Variants in AMACR observed in about 807,000 individuals in gnomAD.
AMACR encodes alpha-methylacyl-CoA racemase.
Under a neutral mutation model 22.2 loss-of-function variants are expected in AMACR, and 18 were observed. That is an observed-to-expected ratio of 0.81 (90% CI 0.56 to 1.20). AMACR has a LOEUF of 1.20. Ranked by LOEUF, AMACR falls within the 50% of genes most tolerant of loss-of-function variation. AMACR has a pLI of 0.00. For missense variants in AMACR, 499 were observed against 490.6 expected (o/e 1.02, Z -0.16); for synonymous variants, 213 against 191.3 (o/e 1.11, Z -0.94).
rs1290407600 is a variant in AMACR, at chr5:33,987,284, CAT to C, written c.*1807_*1808del. ...GATCCTCCATGCCTGGGCTGGAAAA[CAT>C]AACCTTATGGGAAAGTTCCTAAAAA... On this transcript the variant is annotated 3_prime_UTR_variant, in exon 5 of 5. Transcript: ENST00000335606. The C allele has an allele frequency of 6.6e-6, 1 of 152,446 alleles. No individual in the cohort carries two copies. Among genetic ancestry groups the C allele is most frequent in the Non-Finnish European group, 1.5e-5 (1 of 68,044 alleles). The allele number at this position is 152,446 out of a possible 1,614,324, so 9.4% of individuals were successfully genotyped here.
chr5:33,989,557 T>C, intron 4 of AMACR, 55 bp from the exon 5 acceptor site: 1 of 1,439,574 alleles, frequency 6.9e-7, no homozygotes, highest in Non-Finnish European at 9.7e-7. Flanking sequence ...GCAATTATAA[T>C]CAATAAAAAT....
intron 4 of AMACR, among the ~76,000 whole-genome samples, chr5:33,993,585 A>G (rs1579574217): frequency 6.6e-6 from 1 of 152,148 alleles, no homozygotes; most frequent in African/African-American, 2.4e-5. Flanking sequence ...AACACTTGTT[A>G]TTTTGTATTT....
intron 3 of AMACR, 73 bp from the exon 4 acceptor site, chr5:33,998,900 A>G: frequency 2.0e-6 from 3 of 1,475,688 alleles, no homozygotes; most frequent in Non-Finnish European, 2.8e-6. Context: ...CTCCCATTCA[A>G]GTTAAAAAAA....
chr5:34,003,981 C>T (rs1753894402), intron 3 of AMACR, among the ~76,000 whole-genome samples: 1 of 152,188 alleles, frequency 6.6e-6, no homozygotes, highest in Non-Finnish European at 1.5e-5. Context: ...ACAAGGTATT[C>T]CAAATGCAGT....
intron 2 of AMACR, 94 bp from the exon 3 acceptor site, chr5:34,004,828 CA>C: frequency 3.5e-6 from 5 of 1,419,908 alleles, no homozygotes; most frequent in Non-Finnish European, 3.9e-6. Flanking sequence ...TCAATCTCTC[CA>C]GCAGATAATC....
intron 1 of AMACR, 142 bp from the exon 2 acceptor site, chr5:34,006,041 T>C: frequency 1.0e-6 from 1 of 986,294 alleles, no homozygotes; most frequent in Non-Finnish European, 1.5e-6. Context: ...TTTACAGCAG[T>C]TAAGGACTCA....
Position 33,988,132 on chromosome 5 carries a change from A to C in AMACR, c.*961T>G. On this transcript the variant is annotated 3_prime_UTR_variant, in exon 5 of 5. Transcript: ENST00000335606. ...TGATGGCACCCGGATTAGATTGTGG[A>C]ATCTACCCCTTCCTCACATGCCTTT... 1.8e-6 allele frequency: 1 copy of C among 569,334 alleles called. No homozygotes were observed. Among genetic ancestry groups the C allele is most frequent in the Non-Finnish European group, 3.1e-6 (1 of 324,974 alleles). 35.3% of individuals were successfully genotyped at this position (569,334 alleles called of 1,614,324 possible). A position where few individuals can be genotyped will look rare whatever the true frequency, so the allele number is the denominator to read the frequency against.
chr5:33,987,657 C>T lies in AMACR; in HGVS notation c.*1436G>A, dbSNP rs1753334994. On this transcript the variant is annotated 3_prime_UTR_variant, in exon 5 of 5. Transcript: ENST00000335606. Reference sequence around the variant, plus strand: ...AAAAAATCAAGTACTATATGGACACCAACATGGAGCAGAAAATGAGGGCAG... The same window carrying T: ...AAAAAATCAAGTACTATATGGACACTAACATGGAGCAGAAAATGAGGGCAG... 2 of 152,130 alleles carry T rather than the reference C, an allele frequency of 1.3e-5. No individual in the cohort carries two copies. Among genetic ancestry groups the T allele is most frequent in the Admixed American group, 1.3e-4 (2 of 15,278 alleles). The allele number at this position is 152,130 out of a possible 1,614,324, so 9.4% of individuals were successfully genotyped here.
chr5:33,993,528 A>G (rs1353359019), intron 4 of AMACR, among the ~76,000 whole-genome samples: 2 of 152,180 alleles, frequency 1.3e-5, no homozygotes, highest in East Asian at 3.9e-4. Context: ...ACCACTTTAC[A>G]CTCTCATTGG....
At chr5:33,990,290 CT>C (rs1753436204) in intron 4 of AMACR, among the ~76,000 whole-genome samples, 1 of 152,220 alleles carries the variant, frequency 6.6e-6, no homozygotes, top group Non-Finnish European at 1.5e-5. Flanking sequence ...AAAACAGAAA[CT>C]TATTAGCCGC....
intron 1 of AMACR, 45 bp downstream of exon 1, chr5:34,007,728 C>A: frequency 6.6e-7 from 1 of 1,512,044 alleles, no homozygotes. Context: ...GGCCCCTCCC[C>A]TCCGCGGGAA....
At chr5:33,993,006 T>C (rs772264027) in intron 4 of AMACR, among the ~76,000 whole-genome samples, 2 of 152,174 alleles carry the variant, frequency 1.3e-5, no homozygotes, top group Non-Finnish European at 2.9e-5. Flanking sequence ...CCACCATCCA[T>C]CTGTACCACA....
chr5:34,002,655 G>A lies in AMACR; in HGVS notation c.552+1919C>T, dbSNP rs191670026. Among the ~76,000 whole-genome samples the A allele has an allele frequency of 1.4e-3, 215 of 152,338 alleles. 1 individual carries two copies. Among genetic ancestry groups the A allele is most frequent in the African/African-American group, 5.0e-3 (207 of 41,576 alleles). On this transcript the variant is annotated intron_variant, in intron 3 of 4. Coordinates refer to ENST00000335606, the MANE Select transcript of AMACR (RefSeq NM_014324.6). ...AAGCCTTCAAGTCTTCAATGCCAATGATAGTAGCACGTCTCCCTCAGGGAA... is the reference window on the plus strand; with the variant it reads ...AAGCCTTCAAGTCTTCAATGCCAATAATAGTAGCACGTCTCCCTCAGGGAA...
In AMACR at chr5:34,008,047, A is replaced by G; in HGVS notation, c.-28T>C. On this transcript the variant is annotated 5_prime_UTR_variant, in exon 1 of 5. Coordinates refer to ENST00000335606, the MANE Select transcript of AMACR (RefSeq NM_014324.6). ...CGCTTCCCAGTGCCCCGCTGAAGGA[A>G]ACTGAGCAGCCCTTAGCCCCAGCCC... 1 of 1,607,078 alleles carries G rather than the reference A, an allele frequency of 6.2e-7. No individual in the cohort carries two copies. The highest frequency in any genetic ancestry group is 8.5e-7 in the Non-Finnish European group (1 of 1,179,580).
chr5:33,993,786 C>T (rs534635353), intron 4 of AMACR, among the ~76,000 whole-genome samples: 1 of 152,198 alleles, frequency 6.6e-6, no homozygotes, highest in East Asian at 1.9e-4. Flanking sequence ...GTAATCCCAG[C>T]TACTCAGGAG....
At chr5:33,990,744 T>C (rs1163624195) in intron 4 of AMACR, among the ~76,000 whole-genome samples, 1 of 152,242 alleles carries the variant, frequency 6.6e-6, no homozygotes, top group Non-Finnish European at 1.5e-5. Flanking sequence ...TAAATTGCTC[T>C]GAAGATGGTA....
At chr5:33,991,409 A>C (rs1170220068) in intron 4 of AMACR, among the ~76,000 whole-genome samples, 1 of 152,208 alleles carries the variant, frequency 6.6e-6, no homozygotes. Flanking sequence ...CAGAATCCAT[A>C]ATTGTATAAA....
chr5:34,007,987 C>A lies in AMACR; in HGVS notation c.33G>T (p.Leu11=). 1 of 1,611,704 alleles carries A rather than the reference C, an allele frequency of 6.2e-7. No individual in the cohort carries two copies. The highest frequency in any genetic ancestry group is 8.5e-7 in the Non-Finnish European group (1 of 1,179,788). The change falls in exon 1 of 5, where the codon CTG becomes CTT. Residue 11 remains leucine, a synonymous_variant. Coordinates refer to ENST00000335606, the MANE Select transcript of AMACR (RefSeq NM_014324.6). ...AGAACGGGCCCGGGGCCAGGCCGGACAGCTCCACGACCGAGATGCCCTGCA... is the reference window on the plus strand; with the variant it reads ...AGAACGGGCCCGGGGCCAGGCCGGAAAGCTCCACGACCGAGATGCCCTGCA... MALQGISVVE[L]SGLAPGPFCA...
In AMACR at chr5:33,988,519, G is replaced by GT. The variant is rs886060528; in HGVS notation, c.*573dup. ...CACATTTCCTCATTATTTTGGATAT[G>GT]TTTTTTTCAGTTGAAGGCATTCTGA... On this transcript the variant is annotated 3_prime_UTR_variant, in exon 5 of 5. Coordinates refer to ENST00000335606, the MANE Select transcript of AMACR (RefSeq NM_014324.6). 1.1e-4 allele frequency: 153 copies of GT among 1,396,786 alleles called. No individual in the cohort carries two copies. The African/African-American group carries it at 1.7e-3, about 16-fold the overall frequency. The allele number at this position is 1,396,786 out of a possible 1,614,324, so 86.5% of individuals were successfully genotyped here.
Sources: gnomAD v4.1 joint callset for allele counts (sites outside exome capture counted in the v4.1 genomes callset) on GRCh38, gnomAD v4.1.1 for gene constraint, MANE v1.5 for transcripts, NCBI Gene and HGNC (gene_info 2026-07-23, HGNC 2026-07-21) for gene names.